The following CSMD1 variants were observed in gnomAD, a reference collection of about 807,000 sequenced individuals.
CSMD1 encodes the protein CUB and Sushi multiple domains 1, also known as CUB and sushi domain-containing protein 1.
CSMD1 carries 213 observed loss-of-function variants against 417.5 expected under a neutral mutation model. The ratio of observed to expected loss-of-function variants is 0.51; its 90% CI spans 0.46 to 0.57. The LOEUF (loss-of-function observed/expected upper bound fraction) is 0.57. Ranked by LOEUF, CSMD1 falls within the 20% of genes least tolerant of loss-of-function variation. The pLI, the probability that CSMD1 is intolerant of heterozygous loss-of-function variation, is 0.00. For missense variants in CSMD1, 6,923 were observed against 4,529.7 expected (o/e 1.53, Z -15.17); for synonymous variants, 2,862 against 1,736.8 (o/e 1.65, Z -16.11).
chr8:3,658,712 G>C (rs557969154), intron 7 of CSMD1, among the ~76,000 whole-genome samples: 1 of 152,080 alleles, frequency 6.6e-6, no homozygotes, highest in African/African-American at 2.4e-5. Context: ...GAACGCAGGA[G>C]GCTAAGGTTG....
chr8:4,972,404 C>G (rs1194055578), intron 1 of CSMD1, among the ~76,000 whole-genome samples: 3 of 152,092 alleles, frequency 2.0e-5, no homozygotes, highest in African/African-American at 7.2e-5. Flanking sequence ...CTCATGATAG[C>G]AAGTGAATTC....
intron 4 of CSMD1, among the ~76,000 whole-genome samples, chr8:4,027,975 G>A (rs1056047754): frequency 3.9e-5 from 6 of 152,118 alleles, no homozygotes; most frequent in Admixed American, 1.3e-4. Flanking sequence ...ATGCCCAATG[G>A]CACTCTCTTA....
intron 68 of CSMD1, among the ~76,000 whole-genome samples, chr8:2,945,477 T>C (rs771812858): frequency 1.3e-5 from 2 of 151,696 alleles, no homozygotes; most frequent in African/African-American, 2.4e-5. Context: ...CAATGAAATC[T>C]TTTGCCTATA....
rs969866480 is a variant in CSMD1, at chr8:4,457,794, T to G, written c.303-37729A>C. ...CTGGCTGCTTCTCCCAAGTCCCTCTTAGCTGGCTTCTCACCACCTCAGCAC... is the reference window on the plus strand; with the variant it reads ...CTGGCTGCTTCTCCCAAGTCCCTCTGAGCTGGCTTCTCACCACCTCAGCAC... On this transcript the variant is annotated intron_variant, in intron 2 of 69. Transcript: ENST00000635120. Among the ~76,000 whole-genome samples the G allele has an allele frequency of 2.6e-5, 4 of 152,254 alleles. No homozygotes were observed. In the East Asian group the frequency reaches 5.8e-4, roughly 22 times the overall value.
At chr8:3,306,945 ACAT>A (rs1031785523) in intron 25 of CSMD1, among the ~76,000 whole-genome samples, 110 of 152,106 alleles carry the variant, frequency 7.2e-4, no homozygotes, top group Admixed American at 7.1e-3. Flanking sequence ...TTAAATGTTC[ACAT>A]CATTTTCTGA....
intron 17 of CSMD1, among the ~76,000 whole-genome samples, chr8:3,393,264 G>T (rs981157461): frequency 6.6e-6 from 1 of 152,134 alleles, no homozygotes; most frequent in Non-Finnish European, 1.5e-5. Flanking sequence ...AGTTCCAAAC[G>T]CAACAATTTC....
chr8:3,511,145 C>A (rs1435541232), intron 10 of CSMD1, among the ~76,000 whole-genome samples: 3 of 151,760 alleles, frequency 2.0e-5, no homozygotes, highest in Non-Finnish European at 4.4e-5. Flanking sequence ...AAACCAAACA[C>A]TGCATGTTCT....
intron 3 of CSMD1, among the ~76,000 whole-genome samples, chr8:4,406,330 A>C (rs761355159): frequency 6.6e-6 from 1 of 152,144 alleles, no homozygotes; most frequent in Non-Finnish European, 1.5e-5. Flanking sequence ...TGAATTCAAC[A>C]CACTCAAAAT....
intron 7 of CSMD1, among the ~76,000 whole-genome samples, chr8:3,698,827 T>C (rs920594460): frequency 1.1e-4 from 16 of 152,234 alleles, no homozygotes; most frequent in Admixed American, 9.2e-4. Flanking sequence ...GATGAAAATG[T>C]CCGTGGGAAA....
At chr8:3,521,854 A>T (rs919784141) in intron 10 of CSMD1, among the ~76,000 whole-genome samples, 1 of 152,216 alleles carries the variant, frequency 6.6e-6, no homozygotes, top group African/African-American at 2.4e-5. Flanking sequence ...CATACTATCT[A>T]TTCTAATACC....
intron 1 of CSMD1, among the ~76,000 whole-genome samples, chr8:4,793,929 G>C (rs117555455): frequency 2.0e-5 from 3 of 152,082 alleles, no homozygotes; most frequent in East Asian, 1.9e-4. Context: ...TGTAAGTTGA[G>C]GTTTGTGTGA....
intron 3 of CSMD1, among the ~76,000 whole-genome samples, chr8:4,255,167 C>A (rs763193130): frequency 6.6e-6 from 1 of 152,156 alleles, no homozygotes; most frequent in African/African-American, 2.4e-5. Context: ...AGAGCTTTAT[C>A]CCATGCTGGA....
chr8:3,784,666 G>A (rs554298372), intron 5 of CSMD1, among the ~76,000 whole-genome samples: 6 of 152,258 alleles, frequency 3.9e-5, no homozygotes, highest in African/African-American at 1.4e-4. Flanking sequence ...GGAAATAAGG[G>A]ATATTGTCAG....
intron 6 of CSMD1, among the ~76,000 whole-genome samples, chr8:3,751,553 A>G (rs1025759809): frequency 6.7e-6 from 1 of 150,240 alleles, no homozygotes; most frequent in South Asian, 2.1e-4. Flanking sequence ...AAGTGTGTAT[A>G]ACGTACGTAC....
rs774563204 is a variant in CSMD1, at chr8:3,142,677, A to G, written c.6032-3T>C. ...ATTCAGAAACTGAATATGTGCACCT[A>G]TGGAAAAACATGCAAACTTAATGAA... On this transcript the variant is annotated splice_polypyrimidine_tract_variant and splice_region_variant and intron_variant, in intron 40 of 69. Transcript: ENST00000635120. 4.1e-5 allele frequency: 65 copies of G among 1,599,292 alleles called. No homozygotes were observed. Among genetic ancestry groups the G allele is most frequent in the Non-Finnish European group, 5.6e-5 (65 of 1,166,628 alleles).
intron 3 of CSMD1, among the ~76,000 whole-genome samples, chr8:4,166,899 C>A (rs1412141709): frequency 6.6e-6 from 1 of 152,204 alleles, no homozygotes; most frequent in African/African-American, 2.4e-5. Context: ...TTAGCAGCAG[C>A]AGCCTCATTT....
chr8:3,929,820 C>G (rs982588630), intron 5 of CSMD1, among the ~76,000 whole-genome samples: 4 of 149,438 alleles, frequency 2.7e-5, no homozygotes, highest in Non-Finnish European at 3.0e-5. Context: ...TGCCACCATG[C>G]CTGGCTAATT....
intron 1 of CSMD1, among the ~76,000 whole-genome samples, chr8:4,908,916 C>T (rs1283015829): frequency 6.6e-6 from 1 of 152,160 alleles, no homozygotes; most frequent in Admixed American, 6.5e-5. Flanking sequence ...TCTCTCAAAT[C>T]TCAGTCATTC....
chr8:3,859,005 G>C (rs1437614570), intron 5 of CSMD1, among the ~76,000 whole-genome samples: 3 of 152,184 alleles, frequency 2.0e-5, no homozygotes, highest in African/African-American at 4.8e-5. Flanking sequence ...CACCTTCATA[G>C]TGCTATGAAG....
Sources: gnomAD v4.1 joint callset for allele counts (sites outside exome capture counted in the v4.1 genomes callset) on GRCh38, gnomAD v4.1.1 for gene constraint, MANE v1.5 for transcripts, NCBI Gene and HGNC (gene_info 2026-07-23, HGNC 2026-07-21) for gene names.